FAM184B: variants seen among roughly 807,000 people sequenced by gnomAD.
FAM184B encodes protein FAM184B.
FAM184B carries 111 observed loss-of-function variants against 135.9 expected under a neutral mutation model. The observed-to-expected ratio is 0.82, with a 90% CI of 0.70 to 0.96. FAM184B has a LOEUF of 0.96. Among genes scored for constraint, FAM184B ranks in the 40% least tolerant of loss-of-function variants. The pLI, the probability that FAM184B is intolerant of heterozygous loss-of-function variation, is 0.00. For missense variants in FAM184B, 1,375 were observed against 1,323.9 expected, an observed-to-expected ratio of 1.04 and a Z score of -0.60; for synonymous variants, 552 against 524.8, an observed-to-expected ratio of 1.05 and a Z score of -0.71.
rs117905829 is a variant in FAM184B, at chr4:17,781,380, G to C, written c.-81C>G. Reference sequence around the variant, plus strand: ...CACGTGCGTGCGCGCGCGGGCGTGCGAGCGTGTGGGTTTCTCGGGAGAGGT... The same window carrying C: ...CACGTGCGTGCGCGCGCGGGCGTGCCAGCGTGTGGGTTTCTCGGGAGAGGT... On this transcript the variant is annotated 5_prime_UTR_variant, in exon 1 of 18. Transcript: ENST00000265018. This position sits in a 1 kb window ranked among gnomAD's most constrained non-coding sequence, Gnocchi z 6.5. 3.5e-3 allele frequency: 4,873 copies of C among 1,394,246 alleles called. 131 individuals carry two copies. The East Asian group carries it at 0.062, about 18-fold the overall frequency. 86.4% of individuals were successfully genotyped at this position (1,394,246 alleles called of 1,614,324 possible). A position where few individuals can be genotyped will look rare whatever the true frequency, so the allele number is the denominator to read the frequency against.
intron 1 of FAM184B, among the ~76,000 whole-genome samples, chr4:17,778,536 T>G (rs1718974802): frequency 6.6e-6 from 1 of 152,194 alleles, no homozygotes; most frequent in South Asian, 2.1e-4. Context: ...TTAATTAACT[T>G]TTAACTATAA....
chr4:17,667,846 A>G (rs1716090339), intron 7 of FAM184B, among the ~76,000 whole-genome samples: 1 of 152,218 alleles, frequency 6.6e-6, no homozygotes, highest in African/African-American at 2.4e-5. Flanking sequence ...CTCACATGTC[A>G]TTATTGATCT....
chr4:17,715,519 G>A (rs1041824220), intron 1 of FAM184B, among the ~76,000 whole-genome samples: 1 of 151,562 alleles, frequency 6.6e-6, no homozygotes. Flanking sequence ...AAATTAATGG[G>A]GTCAAAAGAC....
intron 7 of FAM184B, among the ~76,000 whole-genome samples, chr4:17,688,153 C>T (rs900182944): frequency 1.2e-4 from 18 of 152,156 alleles, no homozygotes; most frequent in Non-Finnish European, 2.4e-4. Flanking sequence ...CTTTATCCTC[C>T]AGGCAGGCTG....
rs71167334 is a variant in FAM184B at position 17,751,306 on chromosome 4, C to CAAA, written c.141+29850_141+29852dup. ...TGGGTGACAGAGCAAGACTCTGTCT[C>CAAA]AAAAAAAAAAAAAAAAAAAAAAGCA... is the stretch of plus-strand genomic sequence containing the variant. On this transcript the variant is annotated intron_variant, in intron 1 of 17. Coordinates refer to ENST00000265018, the MANE Select transcript of FAM184B (RefSeq NM_015688.2). Among the ~76,000 whole-genome samples the CAAA allele has an allele frequency of 4.4e-4, 40 of 91,756 alleles. 1 individual carries two copies. The highest frequency in any genetic ancestry group is 1.6e-3 in the African/African-American group (35 of 22,170). 60.2% of individuals were successfully genotyped at this position (91,756 alleles called of 152,430 possible). A position where few individuals can be genotyped will look rare whatever the true frequency, so the allele number is the denominator to read the frequency against.
intron 12 of FAM184B, among the ~76,000 whole-genome samples, chr4:17,646,865 G>T (rs1715481479): frequency 6.6e-6 from 1 of 152,158 alleles, no homozygotes; most frequent in African/African-American, 2.4e-5. Flanking sequence ...TGATGGATGT[G>T]CAGGGAAGGG....
intron 1 of FAM184B, among the ~76,000 whole-genome samples, chr4:17,727,920 A>G (rs1188837168): frequency 6.6e-6 from 1 of 152,174 alleles, no homozygotes. Flanking sequence ...TAGCTCTGTT[A>G]TAAAGACATT....
chr4:17,709,545 T>G lies in FAM184B; in HGVS notation c.241A>C (p.Thr81Pro). The change falls in exon 2 of 18, where the codon ACC becomes CCC. Residue 81 changes from threonine to proline, a missense_variant. Thr to Pro is a conservative substitution (Grantham distance 38). Coordinates refer to ENST00000265018, the MANE Select transcript of FAM184B (RefSeq NM_015688.2). ...TGTTCCTGCAGGAGCCTGGCCTTGG[T>G]CTCTGCCACCGCATTCTGGAGCTCC... ...QEELQNAVAETKARLLQEQGC... is the reference protein window; with the variant it reads ...QEELQNAVAEPKARLLQEQGC... The G allele has an allele frequency of 6.4e-7, 1 of 1,550,948 alleles. No homozygotes were observed.
At chr4:17,653,925 G>GGGGAGAGAGAGAGAGAGGGAGAGGGA (rs1715710304) in intron 10 of FAM184B, among the ~76,000 whole-genome samples, 1 of 131,274 alleles carries the variant, frequency 7.6e-6, no homozygotes, top group Non-Finnish European at 1.7e-5. Context: ...AGAGAGGGAG[G>GGGGAGAGAGAGAGAGAGGGAGAGGGA]GGGAGGGGGA....
chr4:17,755,530 C>A (rs1718399325), intron 1 of FAM184B, among the ~76,000 whole-genome samples: 1 of 152,166 alleles, frequency 6.6e-6, no homozygotes, highest in Admixed American at 6.6e-5. Flanking sequence ...AGCAGAAATA[C>A]CATTTGACCC....
At chr4:17,634,408 C>T (rs1334057608) in intron 16 of FAM184B, among the ~76,000 whole-genome samples, 2 of 152,202 alleles carry the variant, frequency 1.3e-5, no homozygotes, top group Admixed American at 1.3e-4. Context: ...ACTGCAACCT[C>T]CGCCTCCTGG....
chr4:17,772,294 A>G (rs746420373), intron 1 of FAM184B, among the ~76,000 whole-genome samples: 3 of 152,004 alleles, frequency 2.0e-5, no homozygotes, highest in African/African-American at 4.8e-5. Flanking sequence ...ACATCTCCCA[A>G]TCCTATACCC....
intron 1 of FAM184B, among the ~76,000 whole-genome samples, chr4:17,709,994 A>G (rs930098137): frequency 1.3e-5 from 2 of 152,146 alleles, no homozygotes; most frequent in African/African-American, 2.4e-5. Flanking sequence ...TTCAGAAGGA[A>G]CACTTTGGAA....
intron 1 of FAM184B, among the ~76,000 whole-genome samples, chr4:17,723,876 C>T (rs141421049): frequency 2.0e-5 from 3 of 152,298 alleles, no homozygotes; most frequent in African/African-American, 7.2e-5. Context: ...CCTGCCACCA[C>T]ATGACCTCTT....
chr4:17,707,882 T>A, intron 2 of FAM184B, 98 bp from the exon 3 acceptor site: 1 of 1,381,336 alleles, frequency 7.2e-7, no homozygotes, highest in Non-Finnish European at 9.8e-7. Context: ...GGCGGGTATA[T>A]GCACAGCAGA....
rs145769523 is a variant in FAM184B, at chr4:17,710,259, G to A, written c.142-615C>T. Among the ~76,000 whole-genome samples the A allele has an allele frequency of 4.2e-3, 633 of 152,224 alleles. 3 individuals are homozygous for A. The highest frequency in any genetic ancestry group is 0.014 in the African/African-American group (564 of 41,518). Reference sequence around the variant, plus strand: ...GAATCACTTGAACCCAGGAGGCGGAGGTTGCAGCGAGCTGAGATCACACCA... The same window carrying A: ...GAATCACTTGAACCCAGGAGGCGGAAGTTGCAGCGAGCTGAGATCACACCA... On this transcript the variant is annotated intron_variant, in intron 1 of 17. Transcript: ENST00000265018.
At chr4:17,670,606 T>A (rs1410448117) in intron 7 of FAM184B, among the ~76,000 whole-genome samples, 1 of 152,204 alleles carries the variant, frequency 6.6e-6, no homozygotes, top group African/African-American at 2.4e-5. Context: ...AAAGGGCTGA[T>A]GCACCCAGAT....
intron 9 of FAM184B, 135 bp downstream of exon 9, chr4:17,659,823 A>C (rs1715871197): frequency 8.4e-7 from 1 of 1,195,034 alleles, no homozygotes. Flanking sequence ...TAAAACCAAG[A>C]ATCCCACTTT....
At chr4:17,735,294 C>A in intron 1 of FAM184B, among the ~76,000 whole-genome samples, 1 of 151,900 alleles carries the variant, frequency 6.6e-6, no homozygotes, top group Middle Eastern at 3.4e-3. Context: ...AACAAACCTG[C>A]ACATTGTGCA....
Sources: gnomAD v4.1 joint callset for allele counts (sites outside exome capture counted in the v4.1 genomes callset) on GRCh38, gnomAD v4.1.1 for gene constraint, Gnocchi (gnomAD v3.1) non-coding constraint, MANE v1.5 for transcripts, NCBI Gene and HGNC (gene_info 2026-07-23, HGNC 2026-07-21) for gene names.